Variants in KAZN observed in about 807,000 individuals in gnomAD.
KAZN encodes kazrin, periplakin interacting protein.
In KAZN, 40 loss-of-function variants were observed where a neutral mutation model predicts 87.4. The ratio of observed to expected loss-of-function variants is 0.46; its 90% confidence interval spans 0.36 to 0.60. The LOEUF (loss-of-function observed/expected upper bound fraction) is 0.60, where lower values mean the gene tolerates loss of function less well. Ranked by LOEUF, KAZN falls within the 20% of genes least tolerant of loss-of-function variation. The probability of loss-of-function intolerance (pLI) is 0.00; values close to 1 mark genes in which losing one functional copy is unlikely to be tolerated. For synonymous variants in KAZN, 466 were observed against 458.3 expected, an observed-to-expected ratio of 1.02 and a Z score of -0.22; for missense variants, 898 against 1,073.9, an observed-to-expected ratio of 0.84 and a Z score of 2.29.
At chr1:13,952,868 C>G (rs989731204) in intron 1 of KAZN, among the ~76,000 whole-genome samples, 4 of 152,118 alleles carry the variant, frequency 2.6e-5, no homozygotes, top group African/African-American at 7.2e-5. Flanking sequence ...TCCACTTAGT[C>G]GCCTTTAAAA....
intron 1 of KAZN, among the ~76,000 whole-genome samples, chr1:14,683,173 A>G (rs757410677): frequency 1.3e-5 from 2 of 152,274 alleles, no homozygotes; most frequent in Non-Finnish European, 2.9e-5. Flanking sequence ...GGAAGCTGCC[A>G]AGAGTCTCAG....
At chr1:14,012,925 A>G (rs940130318) in intron 1 of KAZN, among the ~76,000 whole-genome samples, 2 of 152,152 alleles carry the variant, frequency 1.3e-5, no homozygotes, top group Non-Finnish European at 2.9e-5. Flanking sequence ...TTAAGTTAGG[A>G]TAGTAAAAGG....
Position 13,969,392 on chromosome 1 carries a change from C to G in KAZN, c.91+75636C>G, listed in dbSNP as rs755127284. Among the ~76,000 whole-genome samples, 83 of 152,102 alleles carry G rather than the reference C, an allele frequency of 5.5e-4. 1 individual carries two copies. Among genetic ancestry groups the G allele is most frequent in the Non-Finnish European group, 7.2e-4 (49 of 68,016 alleles). ...TTGGACACAGACATGCACATGCTGA[C>G]AGGGAGAAAACCAAATGAAGATGGA... On this transcript the variant is annotated intron_variant, in intron 1 of 16. Transcript: ENST00000636203.
intron 1 of KAZN, among the ~76,000 whole-genome samples, chr1:14,136,310 C>T (rs1310994970): frequency 6.6e-6 from 1 of 152,096 alleles, no homozygotes; most frequent in Non-Finnish European, 1.5e-5. Flanking sequence ...AACTATTTAG[C>T]CTCACGGGGC....
intron 2 of KAZN, among the ~76,000 whole-genome samples, chr1:14,391,850 G>A (rs1015244877): frequency 1.3e-5 from 2 of 152,134 alleles, no homozygotes; most frequent in African/African-American, 4.8e-5. Context: ...GCTTCTAGAG[G>A]TGAAAACCTG....
At chr1:14,890,697 A>AT (rs752334581) in intron 1 of KAZN, among the ~76,000 whole-genome samples, 36 of 151,060 alleles carry the variant, frequency 2.4e-4, no homozygotes, top group Non-Finnish European at 4.0e-4. Context: ...AAAGATCTGT[A>AT]TTTTTTTTTA....
chr1:14,464,135 T>C (rs4661496), intron 2 of KAZN, among the ~76,000 whole-genome samples: 83,039 of 152,088 alleles, frequency 0.55, 23,590 homozygotes, highest in African/African-American at 0.71. Flanking sequence ...ACGGTGGAAC[T>C]TCGTGCAACA....
intron 1 of KAZN, among the ~76,000 whole-genome samples, chr1:14,149,516 G>T (rs897774197): frequency 6.6e-6 from 1 of 152,064 alleles, no homozygotes; most frequent in African/African-American, 2.4e-5. Context: ...CGGGGCTCTT[G>T]CTTGAGCTCA....
At chr1:14,907,010 G>A (rs1656664760) in intron 1 of KAZN, among the ~76,000 whole-genome samples, 1 of 151,958 alleles carries the variant, frequency 6.6e-6, no homozygotes, top group South Asian at 2.1e-4. Flanking sequence ...GGGCATGGTG[G>A]CGGGTACTCA....
intron 1 of KAZN, among the ~76,000 whole-genome samples, chr1:13,992,991 C>G (rs981749544): frequency 2.0e-5 from 3 of 152,210 alleles, no homozygotes; most frequent in Admixed American, 2.0e-4. Context: ...ATGATAGAGT[C>G]TATGACTGGT....
intron 2 of KAZN, among the ~76,000 whole-genome samples, chr1:14,253,515 T>C (rs969856629): frequency 2.6e-5 from 4 of 152,198 alleles, no homozygotes; most frequent in Admixed American, 1.3e-4. Flanking sequence ...ATAAGACTCA[T>C]GGAGAAAAGA....
chr1:14,920,732 C>A (rs972561549), intron 1 of KAZN, among the ~76,000 whole-genome samples: 6 of 152,150 alleles, frequency 3.9e-5, no homozygotes, highest in Admixed American at 6.5e-5. Flanking sequence ...AGCACGGGGC[C>A]CAGTGTGACC....
chr1:14,752,712 G>A (rs1644446313), intron 1 of KAZN, among the ~76,000 whole-genome samples: 1 of 152,024 alleles, frequency 6.6e-6, no homozygotes, highest in Non-Finnish European at 1.5e-5. Flanking sequence ...CTATCACATT[G>A]GCAATTAAGT....
At chr1:14,656,775 A>G (rs1485835708) in intron 1 of KAZN, among the ~76,000 whole-genome samples, 1 of 152,188 alleles carries the variant, frequency 6.6e-6, no homozygotes, top group African/African-American at 2.4e-5. Flanking sequence ...AGCAAGGGGG[A>G]AATTCATCCC....
intron 4 of KAZN, among the ~76,000 whole-genome samples, chr1:15,052,308 C>T (rs1674494785): frequency 6.6e-6 from 1 of 152,156 alleles, no homozygotes; most frequent in Non-Finnish European, 1.5e-5. Context: ...GGAGCAAAGG[C>T]ACGTCTTACA....
At chr1:14,579,139 C>T (rs1675371034) in intron 2 of KAZN, among the ~76,000 whole-genome samples, 1 of 152,158 alleles carries the variant, frequency 6.6e-6, no homozygotes, top group Non-Finnish European at 1.5e-5. Context: ...CTGCCTCTGC[C>T]ACTTAGGGAT....
chr1:14,491,712 A>G (rs527884952), intron 2 of KAZN, among the ~76,000 whole-genome samples: 1 of 152,282 alleles, frequency 6.6e-6, no homozygotes, highest in South Asian at 2.1e-4. Flanking sequence ...GTTATCTAAT[A>G]CATTGTCAGT....
rs530442254 is a variant in KAZN at position 14,989,305 on chromosome 1, G to A, written c.418+28430G>A. ...AGCCAGGCCAACATGGTGAAACCCT[G>A]TCTCTACTAAAATACAAAAAATTAG... On this transcript the variant is annotated intron_variant, in intron 2 of 14. Transcript: ENST00000376030. Among the ~76,000 whole-genome samples the A allele has an allele frequency of 5.9e-5, 9 of 152,176 alleles. No individual in the cohort carries two copies. The East Asian group carries it at 1.4e-3, about 23-fold the overall frequency.
chr1:14,562,941 C>T (rs10927465), intron 2 of KAZN, among the ~76,000 whole-genome samples: 30,841 of 152,164 alleles, frequency 0.2, 3,758 homozygotes, highest in Middle Eastern at 0.3. Flanking sequence ...AACTCATCTC[C>T]GAGGGGATTT....
Sources: gnomAD v4.1 joint callset for allele counts (sites outside exome capture counted in the v4.1 genomes callset) on GRCh38, gnomAD v4.1.1 for gene constraint, MANE v1.5 for transcripts, NCBI Gene and HGNC (gene_info 2026-07-23, HGNC 2026-07-21) for gene names.